TNFSF4: variants seen among roughly 807,000 people sequenced by gnomAD.
The protein encoded by TNFSF4 is tumor necrosis factor ligand superfamily member 4.
A neutral mutation model predicts 7.3 loss-of-function variants in TNFSF4; 4 were observed. The observed-to-expected ratio is 0.55, with a 90% CI of 0.27 to 1.25. TNFSF4 has a LOEUF of 1.25. Ranked by LOEUF, TNFSF4 falls within the 50% of genes most tolerant of loss-of-function variation. The pLI is 0.12. For missense variants in TNFSF4, 181 were observed against 208.8 expected (o/e 0.87, Z 0.82); for synonymous variants, 76 against 83.7 (o/e 0.91, Z 0.50).
chr1:173,210,324 A>C, upstream of TNFSF4, among the ~76,000 whole-genome samples: 1 of 151,936 alleles, frequency 6.6e-6, no homozygotes, highest in East Asian at 1.9e-4. Context: ...GCAGGGGGAC[A>C]GGTGCTAATC....
chr1:173,359,474 A>G, the TNFSF4 span, among the ~76,000 whole-genome samples: 1 of 80,908 alleles, frequency 1.2e-5, no homozygotes, highest in Admixed American at 1.4e-4. Context: ...AAGAAAAGAA[A>G]AAAGAAAAAT....
chr1:173,307,441 C>T, the TNFSF4 span, among the ~76,000 whole-genome samples: 1 of 151,702 alleles, frequency 6.6e-6, no homozygotes, highest in African/African-American at 2.4e-5. Context: ...GGAACCATTA[C>T]AGATTAAAGA....
chr1:173,177,507 G>A, the TNFSF4 span, among the ~76,000 whole-genome samples: 74 of 152,184 alleles, frequency 4.9e-4, no homozygotes, highest in African/African-American at 1.6e-3. Flanking sequence ...CATGGGTGAC[G>A]AAAAAATCTG....
At chr1:173,403,025 T>C in the TNFSF4 span, among the ~76,000 whole-genome samples, 1 of 152,094 alleles carries the variant, frequency 6.6e-6, no homozygotes, top group East Asian at 1.9e-4. Context: ...GCTAATTTTT[T>C]ATTTTTTGTA....
chr1:173,212,256 T>TC (rs565188229), upstream of TNFSF4, among the ~76,000 whole-genome samples: 575 of 152,270 alleles, frequency 3.8e-3, 4 homozygotes, highest in Middle Eastern at 0.021. Context: ...AGGCCCCACT[T>TC]CCAACACTGG....
the TNFSF4 span, among the ~76,000 whole-genome samples, chr1:173,309,602 C>T: frequency 6.6e-6 from 1 of 151,590 alleles, no homozygotes; most frequent in Admixed American, 6.6e-5. Flanking sequence ...TTTTTTAGGA[C>T]CTATTGCACT....
the TNFSF4 span, among the ~76,000 whole-genome samples, chr1:173,327,904 T>C: frequency 6.6e-6 from 1 of 152,036 alleles, no homozygotes; most frequent in Non-Finnish European, 1.5e-5. Context: ...ACATTGTTGG[T>C]GGGACTGTAA....
the TNFSF4 span, among the ~76,000 whole-genome samples, chr1:173,227,869 G>T: frequency 6.6e-6 from 1 of 152,360 alleles, no homozygotes; most frequent in Non-Finnish European, 1.5e-5. Context: ...CAAACTGCAA[G>T]GTGGCAGCGA....
the TNFSF4 span, among the ~76,000 whole-genome samples, chr1:173,420,727 CGT>C: frequency 5.3e-5 from 8 of 152,132 alleles, no homozygotes; most frequent in Admixed American, 5.2e-4. Flanking sequence ...AGGGAATAAA[CGT>C]GTAAAGAAAA....
the TNFSF4 span, among the ~76,000 whole-genome samples, chr1:173,244,666 AC>A: frequency 8.0e-4 from 120 of 149,904 alleles, no homozygotes; most frequent in Middle Eastern, 3.4e-3. Context: ...AACAAAAAAA[AC>A]AAAAAAAAAA....
chr1:173,226,434 GC>G, the TNFSF4 span, among the ~76,000 whole-genome samples: 2 of 152,144 alleles, frequency 1.3e-5, no homozygotes, highest in Non-Finnish European at 2.9e-5. Context: ...ATATGATCCA[GC>G]TTTGACTATG....
At chr1:173,422,936 G>T in the TNFSF4 span, among the ~76,000 whole-genome samples, 6 of 151,788 alleles carry the variant, frequency 4.0e-5, no homozygotes, top group Non-Finnish European at 8.8e-5. Context: ...GTTAACCACT[G>T]AAGAGATGTT....
intron 1 of TNFSF4, among the ~76,000 whole-genome samples, chr1:173,194,448 T>A (rs1290965870): frequency 6.6e-6 from 1 of 152,108 alleles, no homozygotes; most frequent in African/African-American, 2.4e-5. Context: ...AACAGAAAAA[T>A]CACTGTAGGC....
the TNFSF4 span, among the ~76,000 whole-genome samples, chr1:173,176,538 C>A: frequency 6.6e-6 from 1 of 152,146 alleles, no homozygotes; most frequent in Admixed American, 6.5e-5. Context: ...TAAATTAGTT[C>A]AGTCACTATG....
At chr1:173,189,193 C>G (rs1255467618) in intron 1 of TNFSF4, among the ~76,000 whole-genome samples, 1 of 152,094 alleles carries the variant, frequency 6.6e-6, no homozygotes, top group Non-Finnish European at 1.5e-5. Context: ...TCACTGTGCC[C>G]CAATTTCCCA....
the TNFSF4 span, among the ~76,000 whole-genome samples, chr1:173,330,354 T>C: frequency 1.3e-5 from 2 of 151,168 alleles, no homozygotes; most frequent in African/African-American, 4.8e-5. Flanking sequence ...TATGTTTTGT[T>C]AATAAATTAT....
the TNFSF4 span, among the ~76,000 whole-genome samples, chr1:173,407,939 G>C: frequency 2.0e-5 from 3 of 152,248 alleles, no homozygotes; most frequent in African/African-American, 7.2e-5. Flanking sequence ...CCAGGTATGG[G>C]ACTCATGCCC....
the TNFSF4 span, among the ~76,000 whole-genome samples, chr1:173,216,825 A>G: frequency 6.6e-6 from 1 of 152,178 alleles, no homozygotes; most frequent in Non-Finnish European, 1.5e-5. Context: ...TGGCTCAGGG[A>G]ATTACTGTAG....
the TNFSF4 span, among the ~76,000 whole-genome samples, chr1:173,317,298 A>G: frequency 6.6e-6 from 1 of 152,236 alleles, no homozygotes; most frequent in Admixed American, 6.5e-5. Flanking sequence ...AGTATACAAT[A>G]TAAATCCATA....
Sources: allele counts gnomAD v4.1 joint callset (sites outside exome capture counted in the v4.1 genomes callset), GRCh38; gene constraint gnomAD v4.1.1; transcripts MANE v1.5; gene names NCBI Gene and HGNC (gene_info 2026-07-23, HGNC 2026-07-21).